The following ANK3 variants were observed in gnomAD, a reference collection of about 807,000 sequenced individuals.
ANK3 encodes ankyrin 3.
Under a neutral mutation model 370.9 loss-of-function variants are expected in ANK3, and 57 were observed. That is an observed-to-expected ratio of 0.15 (90% CI 0.12 to 0.19). The LOEUF (loss-of-function observed/expected upper bound fraction) is 0.19. Ranked by LOEUF, ANK3 falls within the 10% of genes least tolerant of loss-of-function variation. The pLI is 1.00. For missense variants in ANK3, 4,439 were observed against 5,302.1 expected (o/e 0.84, Z 5.06); for synonymous variants, 1,929 against 1,946.3 (o/e 0.99, Z 0.23).
At chr10:60,594,776 T>TA (rs932148235) in intron 2 of ANK3, among the ~76,000 whole-genome samples, 4 of 152,252 alleles carry the variant, frequency 2.6e-5, no homozygotes, top group African/African-American at 7.2e-5. Flanking sequence ...GAACTATTGC[T>TA]ATGTTATAGC....
chr10:60,294,224 C>T (rs1185201430), intron 1 of ANK3, among the ~76,000 whole-genome samples: 2 of 152,012 alleles, frequency 1.3e-5, no homozygotes, highest in African/African-American at 4.8e-5. Context: ...ATACTGCAAA[C>T]ATAACTATTT....
At chr10:60,443,548 T>A (rs2064355525) in intron 2 of ANK3, among the ~76,000 whole-genome samples, 1 of 152,116 alleles carries the variant, frequency 6.6e-6, no homozygotes, top group East Asian at 1.9e-4. Flanking sequence ...CAACATAAAC[T>A]CCTTCATTTC....
At position 60,440,978 on chromosome 10, in the gene ANK3, A is replaced by G. The variant is rs76795019; in HGVS notation, c.97-161339T>C. 3.7e-3 allele frequency among the ~76,000 whole-genome samples: 569 copies of G among 152,316 alleles called. 5 individuals are homozygous for G. Among genetic ancestry groups the G allele is most frequent in the African/African-American group, 0.013 (546 of 41,576 alleles). Reference sequence around the variant, plus strand: ...TTTGAGGAGCTTGTGGGACTTCTGAATGGCACTCACTCTGGAGACAGATCT... The same window carrying G: ...TTTGAGGAGCTTGTGGGACTTCTGAGTGGCACTCACTCTGGAGACAGATCT... On this transcript the variant is annotated intron_variant, in intron 2 of 43. Coordinates refer to the ANK3 transcript ENST00000373827.
At chr10:60,333,140 T>A (rs2051800194) in intron 1 of ANK3, among the ~76,000 whole-genome samples, 1 of 151,988 alleles carries the variant, frequency 6.6e-6, no homozygotes, top group Non-Finnish European at 1.5e-5. Flanking sequence ...CCATAGTGTG[T>A]TTTTTGAGCA....
At chr10:60,289,483 C>T (rs1229315331) in intron 1 of ANK3, among the ~76,000 whole-genome samples, 2 of 151,946 alleles carry the variant, frequency 1.3e-5, no homozygotes, top group Non-Finnish European at 2.9e-5. Flanking sequence ...ATTATCATGG[C>T]TCGCTGTAGC....
At chr10:60,228,584 T>C (rs1479390873) in intron 8 of ANK3, among the ~76,000 whole-genome samples, 1 of 151,960 alleles carries the variant, frequency 6.6e-6, no homozygotes, top group Non-Finnish European at 1.5e-5. Flanking sequence ...TTTATATGCT[T>C]CTTATAAGAT....
At chr10:60,603,217 T>C (rs1021230340) in intron 2 of ANK3, among the ~76,000 whole-genome samples, 10 of 152,140 alleles carry the variant, frequency 6.6e-5, no homozygotes, top group African/African-American at 2.4e-4. Flanking sequence ...CAGGCCTTTT[T>C]CCAACAGCCA....
intron 2 of ANK3, among the ~76,000 whole-genome samples, chr10:60,510,568 C>G (rs1489035084): frequency 6.6e-6 from 1 of 152,112 alleles, no homozygotes; most frequent in East Asian, 1.9e-4. Context: ...TATAACAGCA[C>G]TTTGGGAGGC....
At chr10:60,227,645 C>T (rs1386019607) in intron 8 of ANK3, among the ~76,000 whole-genome samples, 3 of 152,020 alleles carry the variant, frequency 2.0e-5, no homozygotes, top group African/African-American at 7.2e-5. Flanking sequence ...TGGATGATTT[C>T]TATGACTTGT....
intron 7 of ANK3, among the ~76,000 whole-genome samples, chr10:60,236,905 C>CA (rs2097342499): frequency 6.6e-6 from 1 of 152,192 alleles, no homozygotes; most frequent in African/African-American, 2.4e-5. Flanking sequence ...GCCATTGCAG[C>CA]ACAAAGGCAG....
chr10:60,561,406 T>C (rs911439910), intron 2 of ANK3, among the ~76,000 whole-genome samples: 4 of 152,150 alleles, frequency 2.6e-5, no homozygotes, highest in Non-Finnish European at 5.9e-5. Flanking sequence ...GCTTGAGAGA[T>C]GTGGTTTCCT....
chr10:60,727,925 G>A (rs1483499716), intron 1 of ANK3, among the ~76,000 whole-genome samples: 1 of 152,056 alleles, frequency 6.6e-6, no homozygotes, highest in African/African-American at 2.4e-5. Context: ...GATACCTGGT[G>A]TCACATAAGT....
At chr10:60,146,063 A>G (rs1281904256) in intron 23 of ANK3, 1 of 1,529,398 alleles carries the variant, frequency 6.5e-7, no homozygotes, top group Non-Finnish European at 8.8e-7. Flanking sequence ...AAAACAAAAC[A>G]AAATATAGGG....
intron 1 of ANK3, among the ~76,000 whole-genome samples, chr10:60,338,495 T>A (rs770035266): frequency 6.6e-6 from 1 of 152,148 alleles, no homozygotes; most frequent in East Asian, 1.9e-4. Flanking sequence ...AAATGGGCTA[T>A]AAGCAGACAT....
chr10:60,245,699 CAA>C (rs1469082464), intron 7 of ANK3, among the ~76,000 whole-genome samples: 1 of 152,118 alleles, frequency 6.6e-6, no homozygotes, highest in African/African-American at 2.4e-5. Context: ...ATGAGGATGC[CAA>C]GTTTTTAAAT....
chr10:60,432,856 A>G (rs1020933968), intron 2 of ANK3, among the ~76,000 whole-genome samples: 1 of 152,154 alleles, frequency 6.6e-6, no homozygotes, highest in Non-Finnish European at 1.5e-5. Context: ...TGTTCTGAGA[A>G]AGTCATTTAC....
rs2083438070 is a variant in ANK3 at position 60,074,866 on chromosome 10, A to G, written c.6015T>C (p.Ala2005=). The G allele has an allele frequency of 6.2e-7, 1 of 1,613,642 alleles. No homozygotes were observed. The change falls in exon 37 of 44, where the codon GCT becomes GCC. Residue 2005 remains alanine, a synonymous_variant. Coordinates refer to ENST00000280772, the MANE Select transcript of ANK3 (RefSeq NM_020987.5). ...CTGGCAGAGATGGAGACTGGCTCGCAGCAGCTTGTTGTCTGGCTTCCCGGA... is the reference window on the plus strand; with the variant it reads ...CTGGCAGAGATGGAGACTGGCTCGCGGCAGCTTGTTGTCTGGCTTCCCGGA... ...EEIREARQQA[A]ASQSPSLPER...
At chr10:60,552,494 T>C (rs1473141882) in intron 2 of ANK3, among the ~76,000 whole-genome samples, 1 of 152,236 alleles carries the variant, frequency 6.6e-6, no homozygotes, top group Non-Finnish European at 1.5e-5. Flanking sequence ...TATGTTTTTG[T>C]TAAGGATCTT....
chr10:60,626,130 AG>A (rs1458520290), intron 1 of ANK3, among the ~76,000 whole-genome samples: 2 of 152,216 alleles, frequency 1.3e-5, no homozygotes, highest in African/African-American at 4.8e-5. Context: ...AGAACAAAAC[AG>A]GGCTGGTAAG....
Sources: allele counts gnomAD v4.1 joint callset (sites outside exome capture counted in the v4.1 genomes callset), GRCh38; gene constraint gnomAD v4.1.1; transcripts MANE v1.5; gene names NCBI Gene and HGNC (gene_info 2026-07-23, HGNC 2026-07-21).